ACAP2: variants seen among roughly 807,000 people sequenced by gnomAD.
The protein encoded by ACAP2 is ArfGAP with coiled-coil, ankyrin repeat and PH domains 2.
In ACAP2, 39 loss-of-function variants were observed where a neutral mutation model predicts 115.8. That is an observed-to-expected ratio of 0.34 (90% CI 0.26 to 0.44). ACAP2 has a LOEUF of 0.44. Ranked by LOEUF, ACAP2 falls within the 20% of genes least tolerant of loss-of-function variation. The pLI is 1.00. For missense variants in ACAP2, 662 were observed against 927.6 expected, an observed-to-expected ratio of 0.71 and a Z score of 3.72; for synonymous variants, 289 against 315.8, an observed-to-expected ratio of 0.92 and a Z score of 0.90.
intron 4 of ACAP2, chr3:195,349,798 A>G: frequency 2.9e-6 from 1 of 339,690 alleles, no homozygotes; most frequent in Non-Finnish European, 5.8e-6. Context: ...ACTCAAAGAG[A>G]TCCAGAAATT....
chr3:195,395,255 A>T (rs1711653066), intron 1 of ACAP2, among the ~76,000 whole-genome samples: 2 of 152,168 alleles, frequency 1.3e-5, no homozygotes, highest in South Asian at 2.1e-4. Context: ...AATTTAATTT[A>T]AAAAAATCAA....
intron 21 of ACAP2, among the ~76,000 whole-genome samples, chr3:195,288,575 C>T (rs1727002647): frequency 6.6e-6 from 1 of 151,968 alleles, no homozygotes; most frequent in Non-Finnish European, 1.5e-5. Context: ...TACAAATAAT[C>T]GGCCAGGCGC....
At chr3:195,356,906 C>T (rs1054208880) in intron 4 of ACAP2, among the ~76,000 whole-genome samples, 5 of 151,516 alleles carry the variant, frequency 3.3e-5, no homozygotes, top group African/African-American at 1.2e-4. Context: ...TTCACAGCTG[C>T]GGTGGCTACG....
At chr3:195,293,437 T>C (rs1727402605) in intron 18 of ACAP2, among the ~76,000 whole-genome samples, 2 of 152,196 alleles carry the variant, frequency 1.3e-5, no homozygotes, top group African/African-American at 2.4e-5. Context: ...TTTCTCCTGA[T>C]AGGACAGCCA....
intron 10 of ACAP2, among the ~76,000 whole-genome samples, chr3:195,319,078 G>C (rs1394205148): frequency 1.3e-5 from 2 of 152,198 alleles, no homozygotes; most frequent in Non-Finnish European, 2.9e-5. Flanking sequence ...GGTACAGCTC[G>C]GGCCACTGCT....
intron 1 of ACAP2, among the ~76,000 whole-genome samples, chr3:195,438,033 T>TC (rs1262043726): frequency 3.6e-5 from 5 of 139,560 alleles, no homozygotes; most frequent in South Asian, 2.5e-4. Context: ...AATTTTCTTT[T>TC]TTTTTTTTTT....
At chr3:195,349,945 C>A in intron 4 of ACAP2, 1 of 191,332 alleles carries the variant, frequency 5.2e-6, no homozygotes, top group South Asian at 9.7e-5. Context: ...GCTGAACATT[C>A]ACCAAACAAG....
In ACAP2 at chr3:195,382,084, A is replaced by G. The variant is rs528302791; in HGVS notation, c.112-62T>C. ...AGTTTTACAAATTACTTAGTTGAAC[A>G]AGTGTTGGCAGTAACTATATGAGGT... is the stretch of plus-strand genomic sequence containing the variant. On this transcript the variant is annotated intron_variant, in intron 2 of 22. Coordinates refer to ENST00000326793, the MANE Select transcript of ACAP2 (RefSeq NM_012287.6). 145 of 1,518,824 alleles carry G rather than the reference A, an allele frequency of 9.5e-5. 4 individuals are homozygous for G. In the South Asian group the frequency reaches 1.7e-3, roughly 18 times the overall value. The allele number at this position is 1,518,824 out of a possible 1,614,324, so 94.1% of individuals were successfully genotyped here.
chr3:195,414,546 A>T (rs1222791700), intron 1 of ACAP2, among the ~76,000 whole-genome samples: 1 of 152,230 alleles, frequency 6.6e-6, no homozygotes. Context: ...GTCTTTCACT[A>T]GGTGAATGGA....
At chr3:195,308,876 AATTT>A in intron 10 of ACAP2, 39 bp from the exon 11 acceptor site, 2 of 1,526,258 alleles carry the variant, frequency 1.3e-6, no homozygotes. Flanking sequence ...TCATAAACAT[AATTT>A]ATTTCCATTG....
intron 1 of ACAP2, among the ~76,000 whole-genome samples, chr3:195,428,283 T>G (rs1714834998): frequency 6.6e-6 from 1 of 150,434 alleles, no homozygotes; most frequent in African/African-American, 2.4e-5. Flanking sequence ...TATACAGTCA[T>G]ACATAGGTAT....
chr3:195,353,106 G>C (rs529036361), intron 4 of ACAP2, among the ~76,000 whole-genome samples: 1 of 149,158 alleles, frequency 6.7e-6, no homozygotes, highest in East Asian at 2.0e-4. Flanking sequence ...AAAGGCATTG[G>C]AGCTTCCTGT....
chr3:195,431,532 G>C lies in ACAP2; in HGVS notation c.53+11263C>G, dbSNP rs866838977. Among the ~76,000 whole-genome samples, 56 of 152,142 alleles carry C rather than the reference G, an allele frequency of 3.7e-4. No individual in the cohort carries two copies. The Middle Eastern group carries it at 0.017, about 46-fold the overall frequency. ...GGCTCACTGCAAGCTCCACCTCCTG[G>C]GTTCACGCCATTCTCCTGCCTCAGC... On this transcript the variant is annotated intron_variant, in intron 1 of 22. Coordinates refer to ENST00000326793, the MANE Select transcript of ACAP2 (RefSeq NM_012287.6).
intron 1 of ACAP2, among the ~76,000 whole-genome samples, chr3:195,434,563 C>A (rs1311905646): frequency 6.6e-6 from 1 of 152,166 alleles, no homozygotes; most frequent in African/African-American, 2.4e-5. Context: ...TGTGATACAT[C>A]ACCTGGCTTT....
chr3:195,441,167 T>C (rs1190319823), intron 1 of ACAP2, among the ~76,000 whole-genome samples: 1 of 151,638 alleles, frequency 6.6e-6, no homozygotes, highest in African/African-American at 2.4e-5. Context: ...CAAAGGGAGT[T>C]CAAAGCTACA....
chr3:195,333,626 A>G (rs1426261891), intron 7 of ACAP2, among the ~76,000 whole-genome samples: 1 of 152,260 alleles, frequency 6.6e-6, no homozygotes, highest in African/African-American at 2.4e-5. Context: ...CATTTTTAAA[A>G]TGCTCAAAAT....
chr3:195,338,348 G>C (rs568339744), intron 6 of ACAP2, among the ~76,000 whole-genome samples: 1 of 152,248 alleles, frequency 6.6e-6, no homozygotes, highest in South Asian at 2.1e-4. Flanking sequence ...GGAGTGCAGT[G>C]GCATGATCAG....
chr3:195,291,726 G>A lies in ACAP2; in HGVS notation c.2043C>T (p.Ala681=). Reference sequence around the variant, plus strand: ...GTTACCCTGTGTGCCCTAAGACGGTGGCATGGTGCAATGGTCCCCGCCCTT... The same window carrying A: ...GTTACCCTGTGTGCCCTAAGACGGTAGCATGGTGCAATGGTCCCCGCCCTT... The part of the protein sequence containing the change: ...DVQGRGPLHH[A]TVLGHTGQVC... The change falls in exon 20 of 23, where the codon GCC becomes GCT. Residue 681 remains alanine (A), a synonymous_variant. Coordinates refer to ENST00000326793, the MANE Select transcript of ACAP2 (RefSeq NM_012287.6). 6.2e-7 allele frequency: 1 copy of A among 1,613,772 alleles called. No individual in the cohort carries two copies. The highest frequency in any genetic ancestry group is 1.1e-5 in the South Asian group (1 of 91,016).
chr3:195,295,159 G>A, intron 17 of ACAP2: 1 of 1,178,472 alleles, frequency 8.5e-7, no homozygotes, highest in East Asian at 5.7e-5. Flanking sequence ...ATGACCACTG[G>A]CACAGACTTG....
Sources: allele counts gnomAD v4.1 joint callset (sites outside exome capture counted in the v4.1 genomes callset), GRCh38; gene constraint gnomAD v4.1.1; transcripts MANE v1.5; gene names NCBI Gene and HGNC (gene_info 2026-07-23, HGNC 2026-07-21).